TNK2: variants seen among roughly 807,000 people sequenced by gnomAD.
TNK2 encodes the protein activated CDC42 kinase 1.
Under a neutral mutation model 101.8 loss-of-function variants are expected in TNK2, and 83 were observed. That is an observed-to-expected ratio of 0.82 (90% CI 0.68 to 0.98). TNK2 has a LOEUF of 0.98. TNK2 is among the 50% of genes least tolerant of loss of function. TNK2 has a pLI of 0.00. For synonymous variants in TNK2, 804 were observed against 633.0 expected (o/e 1.27, Z -4.06); for missense variants, 1,665 against 1,483.2 (o/e 1.12, Z -2.01).
chr3:195,884,776 T>C, intron 4 of TNK2, 36 bp downstream of exon 4: 1 of 1,566,512 alleles, frequency 6.4e-7, no homozygotes, highest in South Asian at 1.2e-5. Flanking sequence ...CCGGGTCCCA[T>C]GCCTCTGCTG....
chr3:195,870,410 C>G, intron 10 of TNK2: 2 of 1,433,540 alleles, frequency 1.4e-6, no homozygotes, highest in African/African-American at 1.4e-5. Context: ...GACACCTGAC[C>G]CCAGGATGGA....
At chr3:195,869,735 A>G (rs1238919014) in intron 11 of TNK2, 194 bp from the exon 12 acceptor site, 2 of 634,900 alleles carry the variant, frequency 3.2e-6, no homozygotes, top group Non-Finnish European at 5.6e-6. Flanking sequence ...GTCCAGTATG[A>G]TAGGCAGAGG....
chr3:195,898,102 G>A (rs977365704), intron 1 of TNK2, among the ~76,000 whole-genome samples: 9 of 151,874 alleles, frequency 5.9e-5, no homozygotes, highest in Non-Finnish European at 8.8e-5. Context: ...CTGCTTCTGC[G>A]CTCCTGTATC....
chr3:195,887,059 G>T lies in TNK2; in HGVS notation c.164-12C>A. On this transcript the variant is annotated splice_polypyrimidine_tract_variant and intron_variant, in intron 2 of 15. Coordinates refer to ENST00000672887, the MANE Select transcript of TNK2 (RefSeq NM_001382273.1). ...CAGCCGCCGCTGGCCTGCAGGGAGAGCGGGGAACCGCGTGCTGTGAAGGCC... is the reference window on the plus strand; with the variant it reads ...CAGCCGCCGCTGGCCTGCAGGGAGATCGGGGAACCGCGTGCTGTGAAGGCC... 6.2e-7 allele frequency: 1 copy of T among 1,610,922 alleles called. No homozygotes were observed. Among genetic ancestry groups the T allele is most frequent in the Middle Eastern group, 1.7e-4 (1 of 6,060 alleles).
intron 5 of TNK2, 43 bp downstream of exon 5, chr3:195,883,114 G>A (rs374820359): frequency 2.4e-5 from 39 of 1,593,716 alleles, no homozygotes; most frequent in Middle Eastern, 1.9e-4. Flanking sequence ...ATATGGGACC[G>A]GAGCCCTCTC....
chr3:195,875,286 A>G lies in TNK2; in HGVS notation c.1257-2816T>C, dbSNP rs1201869799. Among the ~76,000 whole-genome samples the G allele has an allele frequency of 9.1e-5, 2 of 21,946 alleles. 1 individual carries two copies. Among genetic ancestry groups the G allele is most frequent in the Admixed American group, 8.8e-4 (2 of 2,260 alleles). 14.4% of individuals were successfully genotyped at this position (21,946 alleles called of 152,430 possible). On this transcript the variant is annotated intron_variant, in intron 9 of 15. Coordinates refer to ENST00000672887, the MANE Select transcript of TNK2 (RefSeq NM_001382273.1). The stretch of plus-strand genomic sequence containing the variant: ...CCCACGCACGCTCCGAGGCACACGA[A>G]GCTCCCCTCGGGATGGCGCCCACGC...
rs559112143 is a variant in TNK2, at chr3:195,882,281, C to T, written c.657G>A (p.Lys219=). 1 of 1,613,506 alleles carries T rather than the reference C, an allele frequency of 6.2e-7. No homozygotes were observed. The highest frequency in any genetic ancestry group is 1.1e-5 in the South Asian group (1 of 91,088). ...PLGSLLDRLR[K]HQGHFLLGTL... is the part of the protein sequence containing the mutation. Reference sequence around the variant, plus strand: ...TCCCCAGGAGGAAGTGGCCCTGGTGCTTACGTAGCCGGTCCAACAACGATC... The same window carrying T: ...TCCCCAGGAGGAAGTGGCCCTGGTGTTTACGTAGCCGGTCCAACAACGATC... Residue 219 remains lysine (K), a synonymous_variant, in exon 6 of 16, where the codon AAG becomes AAA. Transcript: ENST00000672887. This position sits in a 1 kb window ranked among gnomAD's most constrained non-coding sequence, Gnocchi z 4.2.
rs772461175 is a variant in TNK2 at position 195,867,389 on chromosome 3, G to A, written c.2909C>T (p.Ala970Val). 4.9e-5 allele frequency: 79 copies of A among 1,605,758 alleles called. No individual in the cohort carries two copies. Among genetic ancestry groups the A allele is most frequent in the Non-Finnish European group, 5.9e-5 (70 of 1,178,162 alleles). The change falls in exon 13 of 16, where the codon GCG (alanine) becomes GTG (valine). Residue 970 changes from alanine to valine, a missense_variant. This residue lies in a region of TNK2 where 1,136 missense variants were observed against 894.9 expected (regional missense o/e 1.27). Coordinates refer to ENST00000672887, the MANE Select transcript of TNK2 (RefSeq NM_001382273.1). Reference sequence around the variant, plus strand: ...CTGGATCTTGTCTGCTGGCCGGCCCGCCTCTGGCCCATCGCCAGGGCAGCC... The same window carrying A: ...CTGGATCTTGTCTGCTGGCCGGCCCACCTCTGGCCCATCGCCAGGGCAGCC... ...QRGCPGDGPE[A>V]GRPADKIQML...
chr3:195,889,541 A>C (rs928045615), intron 1 of TNK2, among the ~76,000 whole-genome samples: 1 of 152,180 alleles, frequency 6.6e-6, no homozygotes, highest in African/African-American at 2.4e-5. Context: ...CATTAACCAT[A>C]CCATTCTGTT....
Position 195,882,576 on chromosome 3 carries a change from A to C in TNK2, c.610-248T>G. The stretch of plus-strand genomic sequence containing the variant: ...GCAGTGGCTAGAAATTCCAAAACTC[A>C]GCTGGACGTGGTGGCTCACGCCTGT... On this transcript the variant is annotated intron_variant, in intron 5 of 15. Coordinates refer to ENST00000672887, the MANE Select transcript of TNK2 (RefSeq NM_001382273.1). The surrounding 1 kb of genome is among the most constrained non-coding windows in gnomAD (Gnocchi z 4.2). 36 of 1,487,182 alleles carry C rather than the reference A, an allele frequency of 2.4e-5. No homozygotes were observed. Among genetic ancestry groups the C allele is most frequent in the Non-Finnish European group, 3.1e-5 (35 of 1,112,490 alleles). 92.1% of individuals were successfully genotyped at this position (1,487,182 alleles called of 1,614,324 possible).
Position 195,878,563 on chromosome 3 carries a change from C to G in TNK2, c.1044G>C (p.Glu348Asp). The G allele has an allele frequency of 6.2e-7, 1 of 1,613,454 alleles. No homozygotes were observed. The highest frequency in any genetic ancestry group is 8.5e-7 in the Non-Finnish European group (1 of 1,179,988). Residue 348 changes from glutamate to aspartate, a missense_variant, in exon 8 of 16, where the codon GAG (glutamate) becomes GAC (aspartate). By Grantham distance (45) the Glu-to-Asp change is conservative. This residue lies in a region of TNK2 where 490 missense variants were observed against 522.5 expected (regional missense o/e 0.94). Transcript: ENST00000672887. This position sits in a 1 kb window ranked among gnomAD's most constrained non-coding sequence, Gnocchi z 4.7. Reference sequence around the variant, plus strand: ...GACAGTCCTCGGGCCGGGGCAGCCGCTCCCCCTCCTTGTCGATCTTATGCA... The same window carrying G: ...GACAGTCCTCGGGCCGGGGCAGCCGGTCCCCCTCCTTGTCGATCTTATGCA... ...QILHKIDKEG[E>D]RLPRPEDCPQ...
Position 195,878,996 on chromosome 3 carries a change from G to T in TNK2, c.1014+53C>A. 1 of 1,594,996 alleles carries T rather than the reference G, an allele frequency of 6.3e-7. No homozygotes were observed. On this transcript the variant is annotated intron_variant, in intron 7 of 15. Coordinates refer to ENST00000672887, the MANE Select transcript of TNK2 (RefSeq NM_001382273.1). This position sits in a 1 kb window ranked among gnomAD's most constrained non-coding sequence, Gnocchi z 4.7. ...TTCCAGCAGGGCCAGGCTGCAAGCA[G>T]GGAATGGAATTCACCCCACCAGCCC... is the stretch of plus-strand genomic sequence containing the variant.
chr3:195,876,633 G>C (rs1405209885), intron 9 of TNK2: 1 of 456,076 alleles, frequency 2.2e-6, no homozygotes, highest in Non-Finnish European at 4.4e-6. Flanking sequence ...TCCAGGCACG[G>C]AGGGCAGGTG....
intron 1 of TNK2, among the ~76,000 whole-genome samples, chr3:195,893,880 G>A (rs941920115): frequency 3.9e-5 from 6 of 152,174 alleles, no homozygotes; most frequent in Admixed American, 3.3e-4. Flanking sequence ...GCCTCTCCCA[G>A]CACTTGACCT....
chr3:195,904,244 T>A (rs1577123647), intron 1 of TNK2, among the ~76,000 whole-genome samples: 2 of 136,694 alleles, frequency 1.5e-5, no homozygotes, highest in Admixed American at 7.7e-5. Context: ...GGAGACAGAG[T>A]GAGTGAGACC....
rs768131879 is a variant in TNK2, at chr3:195,879,106, T to C, written c.957A>G (p.Thr319=). ...HASDTWMFGV[T]LWEMFTYGQE... is the part of the protein sequence containing the mutation. ...GGCCGTAGGTGAACATTTCCCACAGTGTCACCCCGAACATCCAGGTGTCGC... is the reference window on the plus strand; with the variant it reads ...GGCCGTAGGTGAACATTTCCCACAGCGTCACCCCGAACATCCAGGTGTCGC... The change falls in exon 7 of 16, where the codon ACA becomes ACG. Residue 319 remains threonine, a synonymous_variant. Transcript: ENST00000672887. The C allele has an allele frequency of 6.2e-6, 10 of 1,613,612 alleles. No homozygotes were observed. In the African/African-American group the frequency reaches 9.4e-5, roughly 15 times the overall value.
chr3:195,901,752 C>T (rs566295640), intron 1 of TNK2, among the ~76,000 whole-genome samples: 2 of 152,326 alleles, frequency 1.3e-5, no homozygotes, highest in South Asian at 4.1e-4. Flanking sequence ...CCCCACTTTA[C>T]AAATATGGAA....
chr3:195,867,938 G>C lies in TNK2; in HGVS notation c.2360C>G (p.Pro787Arg), dbSNP rs202205892. The change falls in exon 13 of 16, where the codon CCT becomes CGT. Residue 787 changes from proline (P) to arginine (R), a missense_variant. Pro to Arg is a moderately radical substitution (Grantham distance 103, BLOSUM62 -2). This residue lies in a region of TNK2 where 1,136 missense variants were observed against 894.9 expected (regional missense o/e 1.27). Coordinates refer to ENST00000672887, the MANE Select transcript of TNK2 (RefSeq NM_001382273.1). Reference sequence around the variant, plus strand: ...CGGAGGCACCCGGGGAGGGGAAGCAGGTCCAGGCCACTGGCTGGTCTCCTC... The same window carrying C: ...CGGAGGCACCCGGGGAGGGGAAGCACGTCCAGGCCACTGGCTGGTCTCCTC... ...GEEETSQWPGPASPPRVPPRE... is the reference protein window; with the variant it reads ...GEEETSQWPGRASPPRVPPRE... 2 of 1,538,844 alleles carry C rather than the reference G, an allele frequency of 1.3e-6. No individual in the cohort carries two copies. Among genetic ancestry groups the C allele is most frequent in the South Asian group, 2.4e-5 (2 of 82,198 alleles).
At chr3:195,883,410 G>C in intron 4 of TNK2, 101 bp from the exon 5 acceptor site, 1 of 1,405,174 alleles carries the variant, frequency 7.1e-7, no homozygotes, top group African/African-American at 1.4e-5. Context: ...ATCCCTGCCT[G>C]TGAGCTCCTC....
Sources: gnomAD v4.1 joint callset for allele counts (sites outside exome capture counted in the v4.1 genomes callset) on GRCh38, gnomAD v4.1.1 for gene constraint, gnomAD v4.1.1 regional missense constraint, Gnocchi (gnomAD v3.1) non-coding constraint, MANE v1.5 for transcripts, NCBI Gene and HGNC (gene_info 2026-07-23, HGNC 2026-07-21) for gene names.